The following GALNT2 variants were observed in gnomAD, a reference collection of about 807,000 sequenced individuals.
GALNT2 encodes the protein polypeptide N-acetylgalactosaminyltransferase 2, also known as UDP-GalNAc:polypeptide N-acetylgalactosaminyltransferase 2.
Under a neutral mutation model 81.4 loss-of-function variants are expected in GALNT2, and 31 were observed. The observed-to-expected ratio is 0.38, with a 90% CI of 0.29 to 0.51. GALNT2 has a LOEUF of 0.51. GALNT2 is among the 20% of genes least tolerant of loss of function. GALNT2 has a pLI of 0.87. For synonymous variants in GALNT2, 303 were observed against 287.4 expected (o/e 1.05, Z -0.55); for missense variants, 629 against 765.7 (o/e 0.82, Z 2.11).
intron 8 of GALNT2, among the ~76,000 whole-genome samples, chr1:230,246,983 A>G (rs1665391289): frequency 6.6e-6 from 1 of 152,038 alleles, no homozygotes; most frequent in Admixed American, 6.6e-5. Flanking sequence ...TCACGCTTAT[A>G]ATCCCAGCAC....
intron 2 of GALNT2, among the ~76,000 whole-genome samples, chr1:230,184,342 A>G (rs1663252793): frequency 6.6e-6 from 1 of 151,684 alleles, no homozygotes; most frequent in Non-Finnish European, 1.5e-5. Flanking sequence ...GCGCCCAACC[A>G]CACCCAGCTA....
intron 1 of GALNT2, among the ~76,000 whole-genome samples, chr1:230,169,323 C>T (rs1183729064): frequency 2.6e-5 from 4 of 152,136 alleles, no homozygotes; most frequent in Non-Finnish European, 4.4e-5. Context: ...TAGAGTGGTT[C>T]TTACATTTTC....
At chr1:230,247,019 T>A (rs567260541) in intron 8 of GALNT2, among the ~76,000 whole-genome samples, 33 of 150,912 alleles carry the variant, frequency 2.2e-4, no homozygotes, top group Non-Finnish European at 4.6e-4. Flanking sequence ...GTGGGAGGAT[T>A]GCTTGAGCCC....
At chr1:230,138,667 G>C (rs11587292) in intron 1 of GALNT2, among the ~76,000 whole-genome samples, 15,668 of 152,082 alleles carry the variant, frequency 0.1, 1,248 homozygotes, top group African/African-American at 0.22. Flanking sequence ...TATGAGTTTC[G>C]TGGGAAAGGG....
intron 2 of GALNT2, among the ~76,000 whole-genome samples, chr1:230,186,826 A>G (rs1663351976): frequency 6.6e-6 from 1 of 152,236 alleles, no homozygotes; most frequent in Non-Finnish European, 1.5e-5. Context: ...TAAATGCACA[A>G]TGTCTTTTTA....
chr1:230,226,416 G>A (rs1664713159), intron 3 of GALNT2, among the ~76,000 whole-genome samples: 1 of 152,222 alleles, frequency 6.6e-6, no homozygotes, highest in Non-Finnish European at 1.5e-5. Flanking sequence ...AAATGGGCTA[G>A]CAAGCAACAG....
intron 1 of GALNT2, chr1:230,092,176 G>GTTTTTTTTTGTTTT (rs762299242): frequency 0.04 from 1,651 of 41,722 alleles, 53 homozygotes; most frequent in East Asian, 0.098. Flanking sequence ...TATTCCTTTA[G>GTTTTTTTTTGTTTT]TTTTTTTTTT....
In GALNT2 at chr1:230,245,998, C is replaced by T. The variant is rs186593110; in HGVS notation, c.730-65C>T. On this transcript the variant is annotated intron_variant, in intron 7 of 15. Coordinates refer to ENST00000366672, the MANE Select transcript of GALNT2 (RefSeq NM_004481.5). ...TGTGCCTGCCTAATACTAATGCCTTCTGTGGTTGGGCAGGTTTTTTGTTTT... is the reference window on the plus strand; with the variant it reads ...TGTGCCTGCCTAATACTAATGCCTTTTGTGGTTGGGCAGGTTTTTTGTTTT... The T allele has an allele frequency of 9.7e-5, 130 of 1,336,676 alleles. No homozygotes were observed. The East Asian group carries it at 2.9e-3, about 30-fold the overall frequency. 82.8% of individuals were successfully genotyped at this position (1,336,676 alleles called of 1,614,324 possible). A position where few individuals can be genotyped will look rare whatever the true frequency, so the allele number is the denominator to read the frequency against.
At chr1:230,156,101 G>A (rs1181907346) in intron 1 of GALNT2, among the ~76,000 whole-genome samples, 2 of 151,998 alleles carry the variant, frequency 1.3e-5, no homozygotes, top group Non-Finnish European at 2.9e-5. Context: ...GAGAGTCATT[G>A]ATTTTAGATA....
intron 1 of GALNT2, among the ~76,000 whole-genome samples, chr1:230,097,555 G>A (rs1353424461): frequency 1.3e-5 from 2 of 152,170 alleles, no homozygotes; most frequent in South Asian, 2.1e-4. Flanking sequence ...ATTCATCCCT[G>A]TTAGAGCGTG....
chr1:230,265,027 A>G (rs990503295), intron 13 of GALNT2: 24 of 537,080 alleles, frequency 4.5e-5, no homozygotes, highest in African/African-American at 4.3e-4. Context: ...ATACTTCTGC[A>G]ACATACAGTC....
chr1:230,085,675 G>A (rs561877739), intron 1 of GALNT2, among the ~76,000 whole-genome samples: 1 of 152,348 alleles, frequency 6.6e-6, no homozygotes, highest in East Asian at 1.9e-4. Flanking sequence ...GTTTGTGATT[G>A]TCTAGGTTGA....
intron 1 of GALNT2, among the ~76,000 whole-genome samples, chr1:230,075,121 C>CTTTTTTTTTTTT (rs34482749): frequency 2.2e-5 from 2 of 92,554 alleles, no homozygotes; most frequent in Non-Finnish European, 1.9e-5. Context: ...GTCTGTTTTG[C>CTTTTTTTTTTTT]TTTTTTTTTT....
chr1:230,162,412 T>C (rs1662463360), intron 1 of GALNT2, among the ~76,000 whole-genome samples: 2 of 152,222 alleles, frequency 1.3e-5, no homozygotes, highest in African/African-American at 4.8e-5. Context: ...TATAGTTCTT[T>C]CTAGTTTCCC....
intron 3 of GALNT2, among the ~76,000 whole-genome samples, chr1:230,234,387 T>C (rs1409429531): frequency 6.6e-6 from 1 of 152,136 alleles, no homozygotes; most frequent in Non-Finnish European, 1.5e-5. Flanking sequence ...GCAATATAAT[T>C]TGGGGTATCA....
At chr1:230,238,907 A>G (rs1665113072) in intron 6 of GALNT2, among the ~76,000 whole-genome samples, 1 of 152,164 alleles carries the variant, frequency 6.6e-6, no homozygotes, top group Non-Finnish European at 1.5e-5. Flanking sequence ...AAGAGTTTGT[A>G]TAATATTTTA....
At chr1:230,191,170 C>T (rs191943459) in intron 2 of GALNT2, among the ~76,000 whole-genome samples, 23 of 152,312 alleles carry the variant, frequency 1.5e-4, no homozygotes, top group Admixed American at 5.2e-4. Context: ...AGTCGAAATA[C>T]AGTGTCTAGA....
chr1:230,197,564 G>A (rs1663738933), intron 2 of GALNT2, among the ~76,000 whole-genome samples: 1 of 152,148 alleles, frequency 6.6e-6, no homozygotes, highest in South Asian at 2.1e-4. Flanking sequence ...TTCTGTTTGT[G>A]TTCGGTCATT....
intron 1 of GALNT2, among the ~76,000 whole-genome samples, chr1:230,098,030 A>G (rs555288832): frequency 1.3e-5 from 2 of 152,336 alleles, no homozygotes; most frequent in South Asian, 2.1e-4. Flanking sequence ...TCTTGCTTGT[A>G]TTCTGGGTAG....
Sources: allele counts gnomAD v4.1 joint callset (sites outside exome capture counted in the v4.1 genomes callset), GRCh38; gene constraint gnomAD v4.1.1; transcripts MANE v1.5; gene names NCBI Gene and HGNC (gene_info 2026-07-23, HGNC 2026-07-21).